The following SRBD1 variants were observed in gnomAD, a reference collection of about 807,000 sequenced individuals.
SRBD1 encodes S1 RNA-binding domain-containing protein 1.
SRBD1 carries 88 observed loss-of-function variants against 115.3 expected under a neutral mutation model. The ratio of observed to expected loss-of-function variants is 0.76; its 90% CI spans 0.64 to 0.91. SRBD1 has a LOEUF of 0.91. SRBD1 is among the 40% of genes least tolerant of loss of function. SRBD1 has a pLI of 0.00. For synonymous variants in SRBD1, 509 were observed against 407.7 expected (o/e 1.25, Z -2.99); for missense variants, 1,385 against 1,177.4 (o/e 1.18, Z -2.58).
chr2:45,432,265 G>A (rs183930997), intron 16 of SRBD1, among the ~76,000 whole-genome samples: 1 of 152,196 alleles, frequency 6.6e-6, no homozygotes, highest in African/African-American at 2.4e-5. Flanking sequence ...CCGACCTCAG[G>A]TGATCCGCCC....
At chr2:45,526,557 A>G (rs1671448638) in intron 14 of SRBD1, among the ~76,000 whole-genome samples, 1 of 152,012 alleles carries the variant, frequency 6.6e-6, no homozygotes, top group South Asian at 2.1e-4. Context: ...ACATCTGTGA[A>G]TATATTAAAA....
chr2:45,407,937 C>T (rs1030980399), intron 19 of SRBD1, among the ~76,000 whole-genome samples: 8 of 152,008 alleles, frequency 5.3e-5, no homozygotes, highest in Non-Finnish European at 1.0e-4. Context: ...CTAAATAACT[C>T]AGGCTATAAA....
chr2:45,456,448 G>A (rs1669154905), intron 16 of SRBD1, among the ~76,000 whole-genome samples: 1 of 151,874 alleles, frequency 6.6e-6, no homozygotes, highest in Non-Finnish European at 1.5e-5. Flanking sequence ...TGCTACTGCT[G>A]TTAGATGGTT....
At chr2:45,434,397 A>C (rs577115310) in intron 16 of SRBD1, among the ~76,000 whole-genome samples, 1 of 152,240 alleles carries the variant, frequency 6.6e-6, no homozygotes, top group South Asian at 2.1e-4. Flanking sequence ...CATTCACCTC[A>C]CAAATCTTTA....
At position 45,494,684 on chromosome 2, in the gene SRBD1, T is replaced by C. The variant is rs150447920; in HGVS notation, c.1875-6353A>G. Among the ~76,000 whole-genome samples the C allele has an allele frequency of 9.8e-3, 1,489 of 152,316 alleles. 27 individuals are homozygous for C. Among genetic ancestry groups the C allele is most frequent in the African/African-American group, 0.034 (1,401 of 41,558 alleles). On this transcript the variant is annotated intron_variant, in intron 14 of 20. Transcript: ENST00000263736. ...TGGCCTCCCAAGTTATCCTTCATGA[T>C]CACTAAGGCATAACCAGCTCACTAT...
intron 9 of SRBD1, among the ~76,000 whole-genome samples, chr2:45,565,570 C>G (rs771061524): frequency 6.6e-6 from 1 of 152,040 alleles, no homozygotes; most frequent in East Asian, 1.9e-4. Flanking sequence ...AGTCATAAAG[C>G]CTTCTTAGAT....
chr2:45,475,423 C>A (rs550259562), intron 16 of SRBD1, among the ~76,000 whole-genome samples: 1 of 152,166 alleles, frequency 6.6e-6, no homozygotes, highest in African/African-American at 2.4e-5. Context: ...GTGCCACCCC[C>A]CCTTGCTTAA....
At chr2:45,540,459 T>C (rs1671899545) in intron 14 of SRBD1, among the ~76,000 whole-genome samples, 2 of 151,938 alleles carry the variant, frequency 1.3e-5, no homozygotes, top group Admixed American at 1.3e-4. Flanking sequence ...CACAGTAACC[T>C]TGATTTTGCC....
chr2:45,413,514 T>C (rs147133556), intron 18 of SRBD1, among the ~76,000 whole-genome samples: 1 of 152,170 alleles, frequency 6.6e-6, no homozygotes, highest in South Asian at 2.1e-4. Flanking sequence ...GATTGTATAA[T>C]TGCCATTCTA....
intron 14 of SRBD1, among the ~76,000 whole-genome samples, chr2:45,522,114 G>T (rs1336397213): frequency 6.6e-6 from 1 of 151,564 alleles, no homozygotes; most frequent in Non-Finnish European, 1.5e-5. Flanking sequence ...CAGACAAATG[G>T]ATAAACAAAA....
intron 16 of SRBD1, among the ~76,000 whole-genome samples, chr2:45,457,214 T>A (rs1354868999): frequency 6.6e-6 from 1 of 151,980 alleles, no homozygotes; most frequent in Non-Finnish European, 1.5e-5. Context: ...GATTTACACA[T>A]CTTTTATTTA....
chr2:45,513,558 A>G (rs1181286704), intron 14 of SRBD1, among the ~76,000 whole-genome samples: 1 of 152,180 alleles, frequency 6.6e-6, no homozygotes, highest in Admixed American at 6.5e-5. Flanking sequence ...ATATTTCACA[A>G]CCTTAATAAA....
chr2:45,443,557 G>A lies in SRBD1; in HGVS notation c.2050-23663C>T, dbSNP rs779825341. 4.9e-4 allele frequency among the ~76,000 whole-genome samples: 75 copies of A among 152,138 alleles called. 1 individual carries two copies. The highest frequency in any genetic ancestry group is 7.6e-4 in the Non-Finnish European group (52 of 67,994). ...AATTGAAAGGTTAAGATGGCAGGTG[G>A]ACATATGGAGTTTGGAGTTCAGGGA... On this transcript the variant is annotated intron_variant, in intron 16 of 20. Transcript: ENST00000263736.
At chr2:45,470,518 A>G (rs1250697248) in intron 16 of SRBD1, among the ~76,000 whole-genome samples, 1 of 152,186 alleles carries the variant, frequency 6.6e-6, no homozygotes, top group African/African-American at 2.4e-5. Flanking sequence ...AGTCTTTCCT[A>G]CTTTACTGTG....
intron 14 of SRBD1, among the ~76,000 whole-genome samples, chr2:45,490,560 TTTG>T (rs1558430155): frequency 6.6e-6 from 1 of 152,170 alleles, no homozygotes; most frequent in Non-Finnish European, 1.5e-5. Context: ...AAAGAATATT[TTTG>T]TAAATCTCAC....
chr2:45,431,005 G>T (rs1014507743), intron 16 of SRBD1, among the ~76,000 whole-genome samples: 2 of 152,154 alleles, frequency 1.3e-5, no homozygotes, highest in African/African-American at 2.4e-5. Context: ...CTTCTCAAAA[G>T]AAGACATTTA....
chr2:45,398,823 C>G (rs1667218064), intron 19 of SRBD1, among the ~76,000 whole-genome samples: 1 of 152,070 alleles, frequency 6.6e-6, no homozygotes, highest in Admixed American at 6.6e-5. Flanking sequence ...ATGCAACTTT[C>G]CCTATTTCAG....
At chr2:45,477,855 C>T (rs114124317) in intron 15 of SRBD1, among the ~76,000 whole-genome samples, 4 of 152,108 alleles carry the variant, frequency 2.6e-5, no homozygotes, top group Non-Finnish European at 5.9e-5. Flanking sequence ...CACCATAGTT[C>T]TAATTACATC....
chr2:45,518,695 T>C (rs1671192583), intron 14 of SRBD1, among the ~76,000 whole-genome samples: 1 of 152,156 alleles, frequency 6.6e-6, no homozygotes, highest in Non-Finnish European at 1.5e-5. Flanking sequence ...TATAAAGGGA[T>C]AGTCTGAAAA....
Sources: gnomAD v4.1 joint callset for allele counts (sites outside exome capture counted in the v4.1 genomes callset) on GRCh38, gnomAD v4.1.1 for gene constraint, MANE v1.5 for transcripts, NCBI Gene and HGNC (gene_info 2026-07-23, HGNC 2026-07-21) for gene names.